Variants in KLHDC4 observed in about 807,000 individuals in gnomAD.
KLHDC4 encodes kelch domain containing 4, also known as kelch domain-containing protein 4.
In KLHDC4, 90 loss-of-function variants were observed where a neutral mutation model predicts 62.4. The ratio of observed to expected loss-of-function variants is 1.44; its 90% confidence interval spans 1.22 to 1.72. The LOEUF (loss-of-function observed/expected upper bound fraction) is 1.72. Ranked by LOEUF, KLHDC4 falls within the 40% of genes most tolerant of loss-of-function variation. The pLI, the probability that KLHDC4 is intolerant of heterozygous loss-of-function variation, is 0.00. For missense variants in KLHDC4, 1,025 were observed against 699.7 expected, an observed-to-expected ratio of 1.47 and a Z score of -5.25; for synonymous variants, 386 against 284.4, an observed-to-expected ratio of 1.36 and a Z score of -3.59.
chr16:87,752,771 G>C (rs377702581), intron 4 of KLHDC4, among the ~76,000 whole-genome samples: 2 of 152,078 alleles, frequency 1.3e-5, no homozygotes, highest in African/African-American at 2.4e-5. Flanking sequence ...CAAAGATAAT[G>C]AACACCAGGG....
At chr16:87,759,037 T>C (rs890893722) in intron 2 of KLHDC4, among the ~76,000 whole-genome samples, 1 of 151,972 alleles carries the variant, frequency 6.6e-6, no homozygotes, top group Non-Finnish European at 1.5e-5. Flanking sequence ...TAGCCAGGCA[T>C]GGTGGCGCAT....
exon 1 of KLHDC4, chr16:87,699,345 G>C (rs914813820): frequency 1.3e-5 from 2 of 152,232 alleles, no homozygotes; most frequent in Non-Finnish European, 2.9e-5. Context: ...CAAAGATACA[G>C]ATCAGGCATG....
intron 7 of KLHDC4, among the ~76,000 whole-genome samples, chr16:87,720,092 A>G (rs1444847778): frequency 6.6e-6 from 1 of 152,178 alleles, no homozygotes; most frequent in African/African-American, 2.4e-5. Flanking sequence ...CTGTCGGCTC[A>G]GACGCCGACC....
At chr16:87,748,864 G>C (rs1467361989) in intron 4 of KLHDC4, 55 bp from the exon 5 acceptor site, 2 of 1,604,540 alleles carry the variant, frequency 1.2e-6, no homozygotes, top group East Asian at 4.5e-5. Flanking sequence ...AAGGGCCAGT[G>C]TCATGGGTGA....
chr16:87,761,547 AC>A (rs1323733868), intron 2 of KLHDC4, among the ~76,000 whole-genome samples: 1 of 152,242 alleles, frequency 6.6e-6, no homozygotes, highest in Non-Finnish European at 1.5e-5. Flanking sequence ...TGTTTAACAA[AC>A]TTTTCACATG....
At position 87,709,654 on chromosome 16, in the gene KLHDC4, T is replaced by C. The variant is rs776020116; in HGVS notation, c.1058A>G (p.Glu353Gly). The C allele has an allele frequency of 1.9e-6, 3 of 1,600,448 alleles. No individual in the cohort carries two copies. In the African/African-American group the frequency reaches 4.0e-5, roughly 21 times the overall value. Residue 353 changes from glutamate (E) to glycine (G), a missense_variant, in exon 10 of 12, where the codon GAA (glutamate) becomes GGA (glycine). Physicochemically the swap from Glu to Gly is moderately conservative, Grantham distance 98. Coordinates refer to ENST00000270583, the MANE Select transcript of KLHDC4 (RefSeq NM_017566.4). ...FEGQLKGPKS[E>G]KKKRRRGRKE... ...TCTGCCCCGCCTGCGTTTCTTCTTT[T>C]CAGACTTGGGTCCCTATTAATAGAC...
At chr16:87,741,532 A>G (rs1389060670) in intron 5 of KLHDC4, among the ~76,000 whole-genome samples, 1 of 152,202 alleles carries the variant, frequency 6.6e-6, no homozygotes, top group African/African-American at 2.4e-5. Context: ...TCTGAGGTGC[A>G]ACAGTTTCAT....
At chr16:87,703,804 G>A (rs1414187372), downstream of KLHDC4, among the ~76,000 whole-genome samples, 1 of 152,240 alleles carries the variant, frequency 6.6e-6, no homozygotes, top group Non-Finnish European at 1.5e-5. Flanking sequence ...GGGACTGCTT[G>A]TGTGCCTCGG....
At chr16:87,742,506 C>A (rs150371320) in intron 5 of KLHDC4, among the ~76,000 whole-genome samples, 5 of 152,192 alleles carry the variant, frequency 3.3e-5, no homozygotes, top group African/African-American at 1.2e-4. Context: ...AATAAGCATG[C>A]CTTCCACCAG....
At chr16:87,756,222 C>T in intron 3 of KLHDC4, 177 bp downstream of exon 3, 1 of 532,912 alleles carries the variant, frequency 1.9e-6, no homozygotes, top group Non-Finnish European at 3.4e-6. Flanking sequence ...AAGTCATCAA[C>T]AGTCATGCCA....
Position 87,726,811 on chromosome 16 carries a change from AC to A in KLHDC4, c.712del (p.Val238SerfsTer34), listed in dbSNP as rs750339774. 15 of 1,607,462 alleles carry A rather than the reference AC, an allele frequency of 9.3e-6. No individual in the cohort carries two copies. Among genetic ancestry groups the A allele is most frequent in the Non-Finnish European group, 1.3e-5 (15 of 1,177,380 alleles). ...PTPRSGCQMSVTPQGGIVVYG... is the reference protein window; with the variant it reads ...PTPRSGCQMSXTPQGGIVVYG... ...GACGACGATGCCGCCCTGGGGAGTG[AC>A]GGACATCTGGCAGCCTGATCTGGGT... On this transcript the variant is annotated frameshift_variant, in exon 7 of 12. Transcript: ENST00000270583. LOFTEE classifies it high-confidence loss of function.
chr16:87,713,199 A>C (rs938612843), intron 8 of KLHDC4, among the ~76,000 whole-genome samples: 1 of 149,646 alleles, frequency 6.7e-6, no homozygotes, highest in Non-Finnish European at 1.5e-5. Context: ...ACCTGGCTAC[A>C]TATTTTTTTT....
chr16:87,712,783 C>T (rs1346753150), intron 8 of KLHDC4, among the ~76,000 whole-genome samples: 3 of 152,222 alleles, frequency 2.0e-5, no homozygotes, highest in Non-Finnish European at 4.4e-5. Context: ...ACACTTTGCA[C>T]AATGGTCCCC....
chr16:87,730,430 C>T (rs2040142728), intron 6 of KLHDC4, 122 bp downstream of exon 6: 1 of 815,710 alleles, frequency 1.2e-6, no homozygotes, highest in Non-Finnish European at 1.9e-6. Context: ...CTGCCCAAAG[C>T]TCATGAAGCT....
At chr16:87,715,225 T>C (rs1458022703) in intron 7 of KLHDC4, among the ~76,000 whole-genome samples, 1 of 151,650 alleles carries the variant, frequency 6.6e-6, no homozygotes, top group African/African-American at 2.4e-5. Flanking sequence ...CCCATCCATT[T>C]CCATCTCATC....
intron 6 of KLHDC4, among the ~76,000 whole-genome samples, chr16:87,728,857 A>G (rs1597551372): frequency 1.3e-5 from 2 of 152,094 alleles, no homozygotes; most frequent in East Asian, 3.9e-4. Flanking sequence ...TCACTTCAAC[A>G]TCCGCCTCCC....
chr16:87,708,631 CA>C (rs1022556045), intron 10 of KLHDC4, 165 bp from the exon 11 acceptor site: 15 of 446,198 alleles, frequency 3.4e-5, no homozygotes, highest in African/African-American at 2.6e-4. Context: ...ACAAAGGAAA[CA>C]GACTGCGTTC....
chr16:87,747,877 G>T (rs928195844), intron 5 of KLHDC4, among the ~76,000 whole-genome samples: 1 of 152,224 alleles, frequency 6.6e-6, no homozygotes, highest in Admixed American at 6.5e-5. Context: ...CCAGGATGTG[G>T]AGAAGGCCTG....
At chr16:87,707,760 C>A (rs111933490), downstream of KLHDC4, 16,574 of 325,236 alleles carry the variant, frequency 0.051, 624 homozygotes, top group Admixed American at 0.11. Context: ...GCAGAGGCCC[C>A]GGGAAGACTG....
Sources: allele counts gnomAD v4.1 joint callset (sites outside exome capture counted in the v4.1 genomes callset), GRCh38; gene constraint gnomAD v4.1.1; transcripts MANE v1.5; gene names NCBI Gene and HGNC (gene_info 2026-07-23, HGNC 2026-07-21).